PLBD1: variants seen among roughly 807,000 people sequenced by gnomAD.
The protein encoded by PLBD1 is lysosomal leucine aminopeptidase.
In PLBD1, 60 loss-of-function variants were observed where a neutral mutation model predicts 63.0. The ratio of observed to expected loss-of-function variants is 0.95; its 90% CI spans 0.77 to 1.18. The LOEUF is 1.18. PLBD1 is among the 50% of genes most tolerant of loss of function. PLBD1 has a pLI of 0.00. For synonymous variants in PLBD1, 262 were observed against 248.0 expected (o/e 1.06, Z -0.53); for missense variants, 598 against 677.9 (o/e 0.88, Z 1.31).
At chr12:14,542,550 T>C (rs1945582772) in intron 2 of PLBD1, among the ~76,000 whole-genome samples, 1 of 152,214 alleles carries the variant, frequency 6.6e-6, no homozygotes, top group Non-Finnish European at 1.5e-5. Context: ...ATTTGCCACA[T>C]ATATTTTAAA....
At position 14,506,940 on chromosome 12, in the gene PLBD1, T is replaced by C. The variant is rs758313038; in HGVS notation, c.1365A>G (p.Arg455=). The change falls in exon 9 of 11, where the codon CGA becomes CGG. Residue 455 remains arginine, a synonymous_variant. Coordinates refer to ENST00000240617, the MANE Select transcript of PLBD1 (RefSeq NM_024829.6). ...TDTASMKYIM[R]YNNYKKDPYS... ...GAGAAATATGCTACGTACTGTTGTA[T>C]CGCATGATATATTTCATGGATGCCG... 6.2e-7 allele frequency: 1 copy of C among 1,613,968 alleles called. No individual in the cohort carries two copies. The highest frequency in any genetic ancestry group is 1.7e-5 in the Admixed American group (1 of 60,012).
chr12:14,548,756 C>T lies in PLBD1; in HGVS notation c.335+4437G>A, dbSNP rs148232644. ...AATGTAGTCAGGAACCAACTCCCTA[C>T]GTTTCTTCCTATCCTCAGTGCCACG... On this transcript the variant is annotated intron_variant, in intron 2 of 10. Coordinates refer to ENST00000240617, the MANE Select transcript of PLBD1 (RefSeq NM_024829.6). Among the ~76,000 whole-genome samples, 402 of 152,312 alleles carry T rather than the reference C, an allele frequency of 2.6e-3. 1 individual carries two copies. The highest frequency in any genetic ancestry group is 4.3e-3 in the Non-Finnish European group (294 of 68,036).
chr12:14,511,814 T>G, intron 6 of PLBD1, 103 bp from the exon 7 acceptor site: 4 of 1,120,226 alleles, frequency 3.6e-6, no homozygotes, highest in Non-Finnish European at 5.2e-6. Flanking sequence ...TTGCAAAGTG[T>G]ATCAGTTATT....
chr12:14,542,169 C>T (rs760756156), intron 3 of PLBD1, 39 bp downstream of exon 3: 76 of 1,511,824 alleles, frequency 5.0e-5, no homozygotes, highest in Non-Finnish European at 7.0e-5. Context: ...GTGCCTCCAA[C>T]ATTTAAAACA....
intron 8 of PLBD1, 110 bp downstream of exon 8, chr12:14,511,150 T>TG: frequency 2.9e-5 from 32 of 1,095,310 alleles, no homozygotes; most frequent in Non-Finnish European, 3.0e-5. Context: ...CATCCTGTCT[T>TG]CCCCACCATA....
At chr12:14,549,574 C>T (rs1019382298) in intron 2 of PLBD1, among the ~76,000 whole-genome samples, 2 of 152,192 alleles carry the variant, frequency 1.3e-5, no homozygotes, top group Admixed American at 1.3e-4. Flanking sequence ...GTTGGGAGCA[C>T]TTCCATCCAA....
At chr12:14,521,317 G>A (rs1238501911) in intron 6 of PLBD1, among the ~76,000 whole-genome samples, 1 of 152,074 alleles carries the variant, frequency 6.6e-6, no homozygotes, top group Non-Finnish European at 1.5e-5. Flanking sequence ...TACCCTGAAG[G>A]AGCAGTCCCT....
chr12:14,553,861 A>G (rs950083770), intron 1 of PLBD1: 1 of 182,786 alleles, frequency 5.5e-6, no homozygotes, highest in East Asian at 1.4e-4. Context: ...AGGGACGCAC[A>G]TGGAGCAGTG....
chr12:14,540,026 A>T (rs1247868872), intron 4 of PLBD1, among the ~76,000 whole-genome samples: 1 of 13,426 alleles, frequency 7.4e-5, no homozygotes, highest in African/African-American at 8.9e-5. Context: ...ATATATATAT[A>T]TATATATATA....
chr12:14,531,165 G>A (rs1181146404), intron 6 of PLBD1: 1 of 152,152 alleles, frequency 6.6e-6, no homozygotes, highest in African/African-American at 2.4e-5. Context: ...AATCTGTTTT[G>A]TCTATTGTCC....
chr12:14,548,008 C>G (rs1945628193), intron 2 of PLBD1, among the ~76,000 whole-genome samples: 1 of 152,154 alleles, frequency 6.6e-6, no homozygotes, highest in African/African-American at 2.4e-5. Flanking sequence ...ATACATACCT[C>G]ATGGTACTGT....
intron 8 of PLBD1, among the ~76,000 whole-genome samples, chr12:14,508,103 A>G (rs1371149945): frequency 1.3e-5 from 2 of 152,268 alleles, no homozygotes; most frequent in East Asian, 3.8e-4. Flanking sequence ...AGCCAGCATC[A>G]GAAGAACTGA....
intron 2 of PLBD1, among the ~76,000 whole-genome samples, chr12:14,543,258 A>G (rs1357259927): frequency 6.6e-6 from 1 of 152,110 alleles, no homozygotes; most frequent in Non-Finnish European, 1.5e-5. Flanking sequence ...AATATTAAAA[A>G]GATATAACTA....
intron 6 of PLBD1, among the ~76,000 whole-genome samples, chr12:14,526,666 G>C (rs1591998551): frequency 6.6e-6 from 1 of 152,202 alleles, no homozygotes; most frequent in East Asian, 1.9e-4. Context: ...GAAAGTACTG[G>C]AGGAGCTGAA....
chr12:14,513,153 TTA>T, intron 6 of PLBD1, among the ~76,000 whole-genome samples: 1 of 152,300 alleles, frequency 6.6e-6, no homozygotes, highest in African/African-American at 2.4e-5. Context: ...TTATATATAT[TTA>T]TGTTATACAA....
chr12:14,541,008 G>C (rs1945567134), intron 3 of PLBD1, 106 bp from the exon 4 acceptor site: 1 of 1,208,802 alleles, frequency 8.3e-7, no homozygotes, highest in Non-Finnish European at 1.1e-6. Flanking sequence ...ATGCTAATGT[G>C]ATTTAAATTC....
chr12:14,524,170 G>C (rs1945399353), intron 6 of PLBD1, among the ~76,000 whole-genome samples: 2 of 152,126 alleles, frequency 1.3e-5, no homozygotes. Flanking sequence ...AGGCAAGGTG[G>C]AAAGGGCTTA....
At position 14,553,180 on chromosome 12, in the gene PLBD1, C is replaced by T; in HGVS notation, c.335+13G>A. On this transcript the variant is annotated intron_variant, in intron 2 of 10. Transcript: ENST00000240617. ...TTGCCTGGCAGTGGCTCTACCATGA[C>T]TGGGATACTTACGGGGCAGTGAGGT... 8.8e-6 allele frequency: 14 copies of T among 1,598,784 alleles called. No individual in the cohort carries two copies. Among genetic ancestry groups the T allele is most frequent in the Admixed American group, 1.7e-5 (1 of 57,686 alleles).
In PLBD1 at chr12:14,511,413, G is replaced by A; in HGVS notation, c.1046-13C>T. 6.2e-7 allele frequency: 1 copy of A among 1,613,262 alleles called. No individual in the cohort carries two copies. The highest frequency in any genetic ancestry group is 8.5e-7 in the Non-Finnish European group (1 of 1,179,506). On this transcript the variant is annotated splice_polypyrimidine_tract_variant and intron_variant, in intron 7 of 10. Transcript: ENST00000240617. ...TTGTTATAGGTGCCTGAAATATCAG[G>A]AAACATGAAGACGGGGCATGGGTAT...
Sources: gnomAD v4.1 joint callset for allele counts (sites outside exome capture counted in the v4.1 genomes callset) on GRCh38, gnomAD v4.1.1 for gene constraint, MANE v1.5 for transcripts, NCBI Gene and HGNC (gene_info 2026-07-23, HGNC 2026-07-21) for gene names.